Variants in UBE2K observed in about 807,000 individuals in gnomAD.
UBE2K encodes the protein ubiquitin-conjugating enzyme E2 K.
Under a neutral mutation model 30.0 loss-of-function variants are expected in UBE2K, and 6 were observed. That is an observed-to-expected ratio of 0.20 (90% CI 0.11 to 0.39). The LOEUF is 0.39. Among genes scored for constraint, UBE2K ranks in the 10% least tolerant of loss-of-function variants. The pLI, the probability that UBE2K is intolerant of heterozygous loss-of-function variation, is 1.00. For missense variants in UBE2K, 61 were observed against 241.6 expected (o/e 0.25, Z 4.96); for synonymous variants, 86 against 83.7 (o/e 1.03, Z -0.15).
At chr4:39,709,584 C>T (rs1718559802) in intron 1 of UBE2K, among the ~76,000 whole-genome samples, 1 of 151,986 alleles carries the variant, frequency 6.6e-6, no homozygotes. Flanking sequence ...ATAGATTAAA[C>T]TTTATGATAT....
intron 1 of UBE2K, among the ~76,000 whole-genome samples, chr4:39,727,473 C>T (rs1719817887): frequency 6.6e-6 from 1 of 152,130 alleles, no homozygotes; most frequent in Non-Finnish European, 1.5e-5. Context: ...GTGATTTTCC[C>T]ACTTCAGCCT....
In UBE2K at chr4:39,774,862, T is replaced by C. The variant is rs1448788861; in HGVS notation, c.328T>C (p.Leu110=). ...AGCTGCAATGACTCTCCGCACGGTA[T>C]TATTGTCATTGCAAGCACTATTGGC... is the stretch of plus-strand genomic sequence containing the variant. ...WAAAMTLRTV[L]LSLQALLAAA... The change falls in exon 5 of 7, where the codon TTA becomes CTA. Residue 110 remains leucine (L), a synonymous_variant. Transcript: ENST00000261427. 4 of 1,601,292 alleles carry C rather than the reference T, an allele frequency of 2.5e-6. No individual in the cohort carries two copies. In the Admixed American group the frequency reaches 5.0e-5, roughly 20 times the overall value.
chr4:39,702,454 A>C (rs1368315324), intron 1 of UBE2K, among the ~76,000 whole-genome samples: 3 of 151,364 alleles, frequency 2.0e-5, no homozygotes, highest in Non-Finnish European at 4.4e-5. Context: ...AGGTTTCTCC[A>C]TGTTGGTCAG....
intron 5 of UBE2K, 70 bp from the exon 6 acceptor site, chr4:39,777,612 G>T (rs962125756): frequency 2.3e-6 from 3 of 1,331,670 alleles, no homozygotes; most frequent in East Asian, 2.8e-5. Flanking sequence ...GATTGTAGGC[G>T]ATTAAGAGCT....
intron 1 of UBE2K, among the ~76,000 whole-genome samples, chr4:39,701,821 T>C (rs1718030378): frequency 6.6e-6 from 1 of 151,756 alleles, no homozygotes; most frequent in Non-Finnish European, 1.5e-5. Flanking sequence ...AGTGCAGTGG[T>C]GCGATCTCAG....
intron 3 of UBE2K, among the ~76,000 whole-genome samples, chr4:39,750,154 A>T (rs1305271548): frequency 6.6e-6 from 1 of 152,144 alleles, no homozygotes; most frequent in Non-Finnish European, 1.5e-5. Flanking sequence ...AGATCGCACC[A>T]CTGCACTCCA....
intron 1 of UBE2K, among the ~76,000 whole-genome samples, chr4:39,703,814 G>A (rs1465316864): frequency 7.2e-6 from 1 of 139,400 alleles, no homozygotes; most frequent in East Asian, 2.2e-4. Context: ...CCACTGCACT[G>A]CAGCCTGGCG....
chr4:39,755,170 A>T (rs1721464208), intron 3 of UBE2K, among the ~76,000 whole-genome samples: 1 of 152,194 alleles, frequency 6.6e-6, no homozygotes, highest in South Asian at 2.1e-4. Flanking sequence ...AATAATAAGA[A>T]TTTGAGAAAA....
intron 1 of UBE2K, among the ~76,000 whole-genome samples, chr4:39,735,391 G>GT (rs1401347130): frequency 1.3e-5 from 2 of 151,534 alleles, no homozygotes; most frequent in East Asian, 3.9e-4. Context: ...TGTGTTTTTG[G>GT]TTTTTTTGAG....
At chr4:39,713,084 T>TA (rs929213832) in intron 1 of UBE2K, among the ~76,000 whole-genome samples, 9 of 151,788 alleles carry the variant, frequency 5.9e-5, no homozygotes, top group African/African-American at 2.2e-4. Flanking sequence ...CACTGGTCTC[T>TA]AACTCCTGAC....
intron 3 of UBE2K, among the ~76,000 whole-genome samples, chr4:39,748,703 A>G (rs1721107392): frequency 6.6e-6 from 1 of 152,122 alleles, no homozygotes; most frequent in Non-Finnish European, 1.5e-5. Flanking sequence ...ACATTTAGAA[A>G]CATCTTCTTA....
intron 4 of UBE2K, among the ~76,000 whole-genome samples, chr4:39,769,417 C>T (rs183726089): frequency 3.6e-5 from 5 of 137,352 alleles, no homozygotes; most frequent in African/African-American, 1.3e-4. Context: ...CCATGACTAT[C>T]CATTGTTCTT....
intron 1 of UBE2K, among the ~76,000 whole-genome samples, chr4:39,732,742 C>T (rs542078922): frequency 7.8e-6 from 1 of 127,914 alleles, no homozygotes; most frequent in African/African-American, 3.1e-5. Flanking sequence ...GTGGTGTGAT[C>T]TTGGTTCACT....
rs1291685308 is a variant in UBE2K at position 39,723,753 on chromosome 4, C to T, written c.64-13667C>T. ...AATTTTTGTTAAGGGAAAATAATAA[C>T]ATTTAAAATAATTGTTTCTCTGTGT... is the stretch of plus-strand genomic sequence containing the variant. On this transcript the variant is annotated intron_variant, in intron 1 of 6. Coordinates refer to ENST00000261427, the MANE Select transcript of UBE2K (RefSeq NM_005339.5). 2.6e-5 allele frequency among the ~76,000 whole-genome samples: 4 copies of T among 152,278 alleles called. No homozygotes were observed. The South Asian group carries it at 6.2e-4, about 24-fold the overall frequency.
At chr4:39,773,120 A>C (rs1713021204) in intron 4 of UBE2K, among the ~76,000 whole-genome samples, 1 of 152,202 alleles carries the variant, frequency 6.6e-6, no homozygotes, top group South Asian at 2.1e-4. Context: ...TAAGTGATGT[A>C]GTTTAATCCA....
rs56104487 is a variant in UBE2K, at chr4:39,713,286, ATT to A, written c.63+14911_63+14912del. On this transcript the variant is annotated intron_variant, in intron 1 of 6. Coordinates refer to ENST00000261427, the MANE Select transcript of UBE2K (RefSeq NM_005339.5). ...TAGTTTTCTCCTTCTTCTGTAGGAAATTTTTTTTTTTTTTTTGAGACAGTTCT... is the reference window on the plus strand; with the variant it reads ...TAGTTTTCTCCTTCTTCTGTAGGAAATTTTTTTTTTTTTTGAGACAGTTCT... Among the ~76,000 whole-genome samples, 6 of 83,554 alleles carry A rather than the reference ATT, an allele frequency of 7.2e-5. 1 individual carries two copies. The highest frequency in any genetic ancestry group is 4.3e-4 in the South Asian group (1 of 2,334). The allele number at this position is 83,554 out of a possible 152,430, so 54.8% of individuals were successfully genotyped here.
rs918764030 is a variant in UBE2K at position 39,781,659 on chromosome 4, G to A, written c.*3225G>A. On this transcript the variant is annotated 3_prime_UTR_variant, in exon 7 of 7. Transcript: ENST00000261427. Reference sequence around the variant, plus strand: ...TTTTAAAGATTTAAGATGGATTGGGGTAGGGAACAGCTGGAGCCAGGTATA... The same window carrying A: ...TTTTAAAGATTTAAGATGGATTGGGATAGGGAACAGCTGGAGCCAGGTATA... 2.6e-5 allele frequency: 9 copies of A among 344,876 alleles called. No homozygotes were observed. Among genetic ancestry groups the A allele is most frequent in the Middle Eastern group, 7.5e-4 (1 of 1,336 alleles). The allele number at this position is 344,876 out of a possible 1,614,324, so 21.4% of individuals were successfully genotyped here.
chr4:39,777,250 G>A (rs1472701890), intron 5 of UBE2K, among the ~76,000 whole-genome samples: 1 of 152,174 alleles, frequency 6.6e-6, no homozygotes, highest in Non-Finnish European at 1.5e-5. Flanking sequence ...GAATCTAGTT[G>A]TATTCTAGCC....
chr4:39,774,964 A>G (rs750109866), intron 5 of UBE2K, 31 bp downstream of exon 5: 3 of 1,480,046 alleles, frequency 2.0e-6, no homozygotes, highest in African/African-American at 1.4e-5. Context: ...AGACTTTCTT[A>G]TATTATGTAT....
Sources: allele counts gnomAD v4.1 joint callset (sites outside exome capture counted in the v4.1 genomes callset), GRCh38; gene constraint gnomAD v4.1.1; transcripts MANE v1.5; gene names NCBI Gene and HGNC (gene_info 2026-07-23, HGNC 2026-07-21).